The following KCNG2 variants were observed in gnomAD, a reference collection of about 807,000 sequenced individuals.
KCNG2 encodes the protein voltage-gated potassium channel regulatory subunit KCNG2.
In KCNG2, 7 loss-of-function variants were observed where a neutral mutation model predicts 12.3. The ratio of observed to expected loss-of-function variants is 0.57; its 90% confidence interval spans 0.32 to 1.07. The LOEUF (loss-of-function observed/expected upper bound fraction) is 1.07. Among genes scored for constraint, KCNG2 ranks in the 50% least tolerant of loss-of-function variants. KCNG2 has a pLI of 0.04. For missense variants in KCNG2, 703 were observed against 726.0 expected (o/e 0.97, Z 0.36); for synonymous variants, 414 against 351.4 (o/e 1.18, Z -1.99).
At chr18:79,821,940 G>C (rs190533571) in intron 1 of KCNG2, among the ~76,000 whole-genome samples, 1 of 152,098 alleles carries the variant, frequency 6.6e-6, no homozygotes, top group Non-Finnish European at 1.5e-5. Context: ...ATTTTAGGAC[G>C]GGCTTTTTCA....
chr18:79,865,274 G>C (rs372519293), intron 3 of KCNG2, among the ~76,000 whole-genome samples: 1 of 142,086 alleles, frequency 7.0e-6, no homozygotes. Flanking sequence ...GCTGAGGTCT[G>C]TGTGCTGAGA....
intron 3 of KCNG2, among the ~76,000 whole-genome samples, chr18:79,887,504 G>A (rs555108496): frequency 6.6e-6 from 1 of 152,130 alleles, no homozygotes; most frequent in Admixed American, 6.5e-5. Flanking sequence ...GCCTCACAGA[G>A]ACAGACGTGG....
intron 3 of KCNG2, among the ~76,000 whole-genome samples, chr18:79,880,752 G>A (rs1980264190): frequency 6.6e-6 from 1 of 152,130 alleles, no homozygotes; most frequent in African/African-American, 2.4e-5. Context: ...AGCACATCAC[G>A]GCCAACTGAG....
chr18:79,899,324 C>A lies in KCNG2; in HGVS notation c.909C>A (p.Arg303=), dbSNP rs1051717812. ...TGCTCTACGTGATGCGCCTGGCGCG[C>A]CACTCGCTGGGGCTGCGTTCGCTGG... The part of the protein sequence containing the change: ...LRVLYVMRLA[R]HSLGLRSLGL... The change falls in exon 4 of 4, where the codon CGC becomes CGA. Residue 303 remains arginine, a synonymous_variant. Coordinates refer to ENST00000316249, the MANE Select transcript of KCNG2 (RefSeq NM_012283.2). 1.9e-6 allele frequency: 3 copies of A among 1,551,468 alleles called. No individual in the cohort carries two copies. In the African/African-American group the frequency reaches 4.2e-5, roughly 22 times the overall value.
At chr18:79,851,800 ATG>A (rs1052024887) in intron 1 of KCNG2, among the ~76,000 whole-genome samples, 1 of 151,382 alleles carries the variant, frequency 6.6e-6, no homozygotes, top group African/African-American at 2.4e-5. Flanking sequence ...CATTGTGTGA[ATG>A]TGTGTGAATG....
chr18:79,813,103 C>A (rs561788412), intron 1 of KCNG2, among the ~76,000 whole-genome samples: 1 of 152,096 alleles, frequency 6.6e-6, no homozygotes, highest in African/African-American at 2.4e-5. Context: ...TGCGGTGAGC[C>A]GAGATCGCGC....
chr18:79,819,107 G>A lies in KCNG2; in HGVS notation c.-115+21093G>A, dbSNP rs183871270. Among the ~76,000 whole-genome samples the A allele has an allele frequency of 1.1e-3, 172 of 152,322 alleles. 1 individual carries two copies. Among genetic ancestry groups the A allele is most frequent in the African/African-American group, 3.5e-3 (146 of 41,570 alleles). On this transcript the variant is annotated intron_variant, in intron 1 of 3. Transcript: ENST00000316249. ...AAGAAAGAGCAGAGAGACTCGTTCC[G>A]CAACAGCAGAGGAGGCAGCAGCTCC...
chr18:79,811,233 A>G (rs1352144827), intron 1 of KCNG2, among the ~76,000 whole-genome samples: 1 of 152,250 alleles, frequency 6.6e-6, no homozygotes, highest in Non-Finnish European at 1.5e-5. Flanking sequence ...GCTGATGCTA[A>G]AATTCATATG....
chr18:79,835,552 G>C (rs553832395), intron 1 of KCNG2, among the ~76,000 whole-genome samples: 9 of 152,352 alleles, frequency 5.9e-5, no homozygotes, highest in Admixed American at 1.3e-4. Flanking sequence ...TCAATGGATA[G>C]GTTCAGTGGT....
intron 3 of KCNG2, among the ~76,000 whole-genome samples, chr18:79,878,611 C>G (rs1335496323): frequency 6.6e-6 from 1 of 152,256 alleles, no homozygotes; most frequent in East Asian, 1.9e-4. Flanking sequence ...AGCCTGCTCT[C>G]CTTTCATACA....
At chr18:79,857,768 G>A (rs981758254) in intron 2 of KCNG2, among the ~76,000 whole-genome samples, 3 of 151,570 alleles carry the variant, frequency 2.0e-5, no homozygotes, top group Admixed American at 1.3e-4. Context: ...TTTATAAATG[G>A]AGATAAAATT....
At chr18:79,809,967 T>C (rs2087482310) in intron 1 of KCNG2, among the ~76,000 whole-genome samples, 1 of 152,196 alleles carries the variant, frequency 6.6e-6, no homozygotes, top group Admixed American at 6.5e-5. Flanking sequence ...CTGTGCTCAT[T>C]GGCGTTTGGC....
At chr18:79,816,460 AC>A (rs1164070852) in intron 1 of KCNG2, 5 of 149,100 alleles carry the variant, frequency 3.4e-5, no homozygotes, top group African/African-American at 1.2e-4. Context: ...CCAGCCCTGC[AC>A]GGGCGCTCTT....
chr18:79,855,572 C>T (rs1978980886), intron 1 of KCNG2, among the ~76,000 whole-genome samples: 1 of 152,052 alleles, frequency 6.6e-6, no homozygotes, highest in Non-Finnish European at 1.5e-5. Context: ...CCTCACCCCA[C>T]TGTGCATGCT....
At chr18:79,871,925 G>A (rs1285105539) in intron 3 of KCNG2, among the ~76,000 whole-genome samples, 5 of 152,242 alleles carry the variant, frequency 3.3e-5, no homozygotes, top group Admixed American at 6.5e-5. Context: ...CAGCAGATGT[G>A]TCACCAGGGC....
rs1177366748 is a variant in KCNG2, at chr18:79,856,412, G to A, written c.-81G>A. ...CGCTGGTCTCAGCTGTGTTTTCACC[G>A]GTTCCCTGAAAGAGAATACCCTGTA... On this transcript the variant is annotated 5_prime_UTR_variant, in exon 2 of 4. Coordinates refer to ENST00000316249, the MANE Select transcript of KCNG2 (RefSeq NM_012283.2). 3.3e-5 allele frequency among the ~76,000 whole-genome samples: 5 copies of A among 152,216 alleles called. No individual in the cohort carries two copies. The South Asian group carries it at 6.2e-4, about 19-fold the overall frequency.
intron 1 of KCNG2, among the ~76,000 whole-genome samples, chr18:79,825,573 G>T (rs1448010927): frequency 6.6e-6 from 1 of 152,190 alleles, no homozygotes; most frequent in African/African-American, 2.4e-5. Flanking sequence ...CAGAAACCAC[G>T]GAGGTTTTAC....
At chr18:79,889,584 CAT>C (rs1162510738) in intron 3 of KCNG2, among the ~76,000 whole-genome samples, 2 of 152,198 alleles carry the variant, frequency 1.3e-5, no homozygotes, top group African/African-American at 4.8e-5. Context: ...ATTGTTGTCG[CAT>C]ATTCTACAAC....
intron 1 of KCNG2, among the ~76,000 whole-genome samples, chr18:79,826,134 G>A (rs561299178): frequency 1.3e-5 from 2 of 152,394 alleles, no homozygotes; most frequent in African/African-American, 2.4e-5. Flanking sequence ...GGAAGGGCCG[G>A]GAGCTCTGTG....
Sources: gnomAD v4.1 joint callset for allele counts (sites outside exome capture counted in the v4.1 genomes callset) on GRCh38, gnomAD v4.1.1 for gene constraint, MANE v1.5 for transcripts, NCBI Gene and HGNC (gene_info 2026-07-23, HGNC 2026-07-21) for gene names.